The following CXXC5 variants were observed in gnomAD, a reference collection of about 807,000 sequenced individuals.
CXXC5 encodes the protein CXXC-type zinc finger protein 5.
In CXXC5, 2 loss-of-function variants were observed where a neutral mutation model predicts 17.6. That is an observed-to-expected ratio of 0.11 (90% CI 0.05 to 0.36). The LOEUF (loss-of-function observed/expected upper bound fraction) is 0.36, where lower values mean the gene tolerates loss of function less well. Ranked by LOEUF, CXXC5 falls within the 10% of genes least tolerant of loss-of-function variation. The pLI is 1.00. For synonymous variants in CXXC5, 171 were observed against 193.0 expected, an observed-to-expected ratio of 0.89 and a Z score of 0.94; for missense variants, 343 against 458.3, an observed-to-expected ratio of 0.75 and a Z score of 2.30.
rs1427739042 is a variant in CXXC5 at position 139,661,375 on chromosome 5, C to G, written c.-161+12530C>G. On this transcript the variant is annotated intron_variant, in intron 1 of 2. Transcript: ENST00000302517. This position sits in a 1 kb window ranked among gnomAD's most constrained non-coding sequence, Gnocchi z 4.7. ...CCCAGGCACACACTTAGGACAGACA[C>G]AGTCACTTGCAGCACACGTAGTTCC... Among the ~76,000 whole-genome samples the G allele has an allele frequency of 6.6e-6, 1 of 152,154 alleles. No homozygotes were observed. The highest frequency in any genetic ancestry group is 2.4e-5 in the African/African-American group (1 of 41,436).
At chr5:139,678,920 C>T (rs944321886) in intron 1 of CXXC5, among the ~76,000 whole-genome samples, 1 of 152,224 alleles carries the variant, frequency 6.6e-6, no homozygotes. Context: ...GCTGGAGAGC[C>T]GGGACTGATG....
At chr5:139,676,975 C>G (rs1168932216) in intron 1 of CXXC5, among the ~76,000 whole-genome samples, 6 of 150,136 alleles carry the variant, frequency 4.0e-5, no homozygotes, top group African/African-American at 4.9e-5. Flanking sequence ...TTCCATGACT[C>G]GTCCCCCCTC....
rs558618068 is a variant in CXXC5 at position 139,670,118 on chromosome 5, T to C, written c.-160-10246T>C. ...TCCGGAACCAGCCGGCTCGGCCCCA[T>C]GGCCCCTCTCGCCTCATTATTTTTG... On this transcript the variant is annotated intron_variant, in intron 1 of 2. Transcript: ENST00000302517. The surrounding 1 kb of genome is among the most constrained non-coding windows in gnomAD (Gnocchi z 4.2). Among the ~76,000 whole-genome samples, 36 of 152,344 alleles carry C rather than the reference T, an allele frequency of 2.4e-4. No individual in the cohort carries two copies. Among genetic ancestry groups the C allele is most frequent in the African/African-American group, 8.2e-4 (34 of 41,584 alleles).
Position 139,680,500 on chromosome 5 carries a change from T to C in CXXC5, c.-24T>C. ...GGCAGTTGGCAGGCTCCCTCTGCAGTGGGGTCTGGGCCTCGGCCCCACCAT... is the reference window on the plus strand; with the variant it reads ...GGCAGTTGGCAGGCTCCCTCTGCAGCGGGGTCTGGGCCTCGGCCCCACCAT... On this transcript the variant is annotated 5_prime_UTR_variant, in exon 2 of 3. Transcript: ENST00000302517. 6.5e-7 allele frequency: 1 copy of C among 1,539,136 alleles called. No homozygotes were observed. The highest frequency in any genetic ancestry group is 8.7e-7 in the Non-Finnish European group (1 of 1,144,424).
chr5:139,683,144 C>CA lies in CXXC5; in HGVS notation c.*243dup, dbSNP rs1757353427. The CA allele has an allele frequency of 2.6e-6, 1 of 378,458 alleles. No homozygotes were observed. Among genetic ancestry groups the CA allele is most frequent in the Non-Finnish European group, 4.7e-6 (1 of 215,012 alleles). The allele number at this position is 378,458 out of a possible 1,614,324, so 23.4% of individuals were successfully genotyped here. A position where few individuals can be genotyped will look rare whatever the true frequency, so the allele number is the denominator to read the frequency against. On this transcript the variant is annotated 3_prime_UTR_variant, in exon 3 of 3. Coordinates refer to ENST00000302517, the MANE Select transcript of CXXC5 (RefSeq NM_016463.9). The stretch of plus-strand genomic sequence containing the variant: ...AACTGCTTTTTCGGAAGAACAACAA[C>CA]AAAAAAGAGGTAAAGACGAATCTAT...
chr5:139,678,446 G>C (rs1756985592), intron 1 of CXXC5, among the ~76,000 whole-genome samples: 1 of 152,162 alleles, frequency 6.6e-6, no homozygotes, highest in Admixed American at 6.5e-5. Context: ...CTGCCATCTT[G>C]CCCAGCTCTT....
At chr5:139,653,168 G>T (rs567968812) in intron 1 of CXXC5, among the ~76,000 whole-genome samples, 1 of 152,182 alleles carries the variant, frequency 6.6e-6, no homozygotes. Flanking sequence ...CAGCCTCCCC[G>T]TCTGCCTGCC....
At chr5:139,682,355 C>CCCCAGA in intron 2 of CXXC5, among the ~76,000 whole-genome samples, 1 of 150,622 alleles carries the variant, frequency 6.6e-6, no homozygotes, top group African/African-American at 2.5e-5. Context: ...CCAGCCCCAG[C>CCCCAGA]CCTTCCATTT....
chr5:139,650,365 G>C (rs537574180), intron 1 of CXXC5, among the ~76,000 whole-genome samples: 40 of 152,316 alleles, frequency 2.6e-4, no homozygotes, highest in African/African-American at 9.1e-4. Context: ...CGCGGCGGGC[G>C]CTGTTTGGAG....
chr5:139,659,992 A>G (rs974569006), intron 1 of CXXC5, among the ~76,000 whole-genome samples: 8 of 152,096 alleles, frequency 5.3e-5, no homozygotes, highest in South Asian at 4.1e-4. Context: ...ACAGACAGGC[A>G]TGTGGGGAAT....
chr5:139,667,921 T>C (rs1435546770), intron 1 of CXXC5, among the ~76,000 whole-genome samples: 5 of 152,180 alleles, frequency 3.3e-5, no homozygotes, highest in Admixed American at 3.3e-4. Context: ...CTGCGGTGGC[T>C]CCAGGCCTGG....
At position 139,668,899 on chromosome 5, in the gene CXXC5, C is replaced by T. The variant is rs571371973; in HGVS notation, c.-160-11465C>T. Reference sequence around the variant, plus strand: ...CTCGGTTTCCCCGTTTGTAAACCATCAGCACCAGCCCATTTTCTCCTGAAT... The same window carrying T: ...CTCGGTTTCCCCGTTTGTAAACCATTAGCACCAGCCCATTTTCTCCTGAAT... On this transcript the variant is annotated intron_variant, in intron 1 of 2. Coordinates refer to ENST00000302517, the MANE Select transcript of CXXC5 (RefSeq NM_016463.9). The surrounding 1 kb of genome is among the most constrained non-coding windows in gnomAD (Gnocchi z 4.1). 6.6e-5 allele frequency among the ~76,000 whole-genome samples: 10 copies of T among 152,302 alleles called. No homozygotes were observed. The South Asian group carries it at 1.9e-3, about 28-fold the overall frequency.
chr5:139,652,332 A>G (rs1377553180), intron 1 of CXXC5, among the ~76,000 whole-genome samples: 4 of 151,862 alleles, frequency 2.6e-5, no homozygotes, highest in Non-Finnish European at 5.9e-5. Context: ...ATATCCCACT[A>G]AAGTTTTTTT....
chr5:139,655,432 C>T (rs1291302156), intron 1 of CXXC5, among the ~76,000 whole-genome samples: 1 of 149,766 alleles, frequency 6.7e-6, no homozygotes, highest in Non-Finnish European at 1.5e-5. Flanking sequence ...CTCTGCCTGC[C>T]ACCCCCCGCC....
intron 1 of CXXC5, among the ~76,000 whole-genome samples, chr5:139,666,703 C>T (rs988871701): frequency 6.6e-6 from 1 of 152,230 alleles, no homozygotes. Flanking sequence ...ATCACAGATG[C>T]CATTCAGAGA....
intron 2 of CXXC5, among the ~76,000 whole-genome samples, chr5:139,682,320 C>A (rs1364365803): frequency 2.0e-5 from 3 of 147,848 alleles, no homozygotes; most frequent in Non-Finnish European, 1.5e-5. Context: ...GTTACCCTCC[C>A]CCAACCCCAG....
At chr5:139,679,431 G>A (rs34530707) in intron 1 of CXXC5, among the ~76,000 whole-genome samples, 51,023 of 151,936 alleles carry the variant, frequency 0.34, 8,941 homozygotes, top group Middle Eastern at 0.44. Context: ...CCTGTAGCAG[G>A]CGGGGAGAAG....
Position 139,676,774 on chromosome 5 carries a change from G to A in CXXC5, c.-160-3590G>A, listed in dbSNP as rs113353553. Reference sequence around the variant, plus strand: ...CCTGAGCCTGGACAAGGTGTCCTGGGTCCCTGGGTCTCTGAACCCTGTTAC... The same window carrying A: ...CCTGAGCCTGGACAAGGTGTCCTGGATCCCTGGGTCTCTGAACCCTGTTAC... On this transcript the variant is annotated intron_variant, in intron 1 of 2. Transcript: ENST00000302517. Among the ~76,000 whole-genome samples, 198 of 151,156 alleles carry A rather than the reference G, an allele frequency of 1.3e-3. 1 individual carries two copies. The highest frequency in any genetic ancestry group is 4.7e-3 in the African/African-American group (192 of 41,118).
chr5:139,656,233 G>C (rs1466033413), intron 1 of CXXC5, among the ~76,000 whole-genome samples: 1 of 152,258 alleles, frequency 6.6e-6, no homozygotes, highest in Non-Finnish European at 1.5e-5. Context: ...GTAATCCGAT[G>C]GCCAGAACTA....
Sources: gnomAD v4.1 joint callset for allele counts (sites outside exome capture counted in the v4.1 genomes callset) on GRCh38, gnomAD v4.1.1 for gene constraint, Gnocchi (gnomAD v3.1) non-coding constraint, MANE v1.5 for transcripts, NCBI Gene and HGNC (gene_info 2026-07-23, HGNC 2026-07-21) for gene names.